Variants in B4GALNT4 observed in about 807,000 individuals in gnomAD.
B4GALNT4 encodes N-acetyl-beta-glucosaminyl-glycoprotein 4-beta-N-acetylgalactosaminyltransferase 1.
In B4GALNT4, 77 loss-of-function variants were observed where a neutral mutation model predicts 110.0. The ratio of observed to expected loss-of-function variants is 0.70; its 90% CI spans 0.58 to 0.85. B4GALNT4 has a LOEUF of 0.85. Ranked by LOEUF, B4GALNT4 falls within the 40% of genes least tolerant of loss-of-function variation. B4GALNT4 has a pLI of 0.00. For synonymous variants in B4GALNT4, 785 were observed against 655.5 expected, an observed-to-expected ratio of 1.20 and a Z score of -3.02; for missense variants, 1,575 against 1,506.0, an observed-to-expected ratio of 1.05 and a Z score of -0.76.
At chr11:373,944 G>A (rs1223987153) in intron 8 of B4GALNT4, 116 bp downstream of exon 8, 1 of 1,052,832 alleles carries the variant, frequency 9.5e-7, no homozygotes, top group Non-Finnish European at 1.4e-6. Flanking sequence ...TCAGGGCCAT[G>A]GGCCTGAGGT....
intron 9 of B4GALNT4, 29 bp from the exon 10 acceptor site, chr11:375,610 A>T: frequency 6.3e-7 from 1 of 1,596,096 alleles, no homozygotes; most frequent in Non-Finnish European, 8.5e-7. Context: ...AGGGGGTCTG[A>T]GCACTCCCTG....
At position 379,475 on chromosome 11, in the gene B4GALNT4, G is replaced by A. The variant is rs1194910498; in HGVS notation, c.2262G>A (p.Gly754=). ...NVEKRRDSAR[G]SRFLLELELQ... ...AGAAGCGCCGGGACTCGGCGCGAGG[G>A]AGTCGCTTCCTGCTGGAGCTGGAGC... The change falls in exon 15 of 20, where the codon GGG becomes GGA. Residue 754 remains glycine, a synonymous_variant. Coordinates refer to ENST00000329962, the MANE Select transcript of B4GALNT4 (RefSeq NM_178537.5). 1 of 1,567,170 alleles carries A rather than the reference G, an allele frequency of 6.4e-7. No homozygotes were observed. Among genetic ancestry groups the A allele is most frequent in the South Asian group, 1.1e-5 (1 of 87,086 alleles).
At chr11:381,231 C>T (rs1846869475) in intron 19 of B4GALNT4, 1 of 766,768 alleles carries the variant, frequency 1.3e-6, no homozygotes, top group Non-Finnish European at 1.6e-6. Context: ...CCCATCATCC[C>T]ACTGGGGCCA....
rs73400534 is a variant in B4GALNT4 at position 373,661 on chromosome 11, G to A, written c.705-89G>A. On this transcript the variant is annotated intron_variant, in intron 7 of 19. Transcript: ENST00000329962. The stretch of plus-strand genomic sequence containing the variant: ...TGCCATCCTCCTGAGGGCCAGCCCT[G>A]AGGGGTGTGGGAGCCACCTGCCCCC... The A allele has an allele frequency of 3.5e-3, 5,340 of 1,526,540 alleles. 167 individuals are homozygous for A. The African/African-American group carries it at 0.065, about 18-fold the overall frequency. 94.6% of individuals were successfully genotyped at this position (1,526,540 alleles called of 1,614,324 possible). A position where few individuals can be genotyped will look rare whatever the true frequency, so the allele number is the denominator to read the frequency against.
In B4GALNT4 at chr11:376,168, T is replaced by C. The variant is rs1243057328; in HGVS notation, c.1190T>C (p.Leu397Pro). 2.3e-6 allele frequency: 3 copies of C among 1,317,624 alleles called. No individual in the cohort carries two copies. Among genetic ancestry groups the C allele is most frequent in the Non-Finnish European group, 3.0e-6 (3 of 995,384 alleles). 81.6% of individuals were successfully genotyped at this position (1,317,624 alleles called of 1,614,324 possible). A position where few individuals can be genotyped will look rare whatever the true frequency, so the allele number is the denominator to read the frequency against. Residue 397 changes from leucine to proline, a missense_variant, in exon 12 of 20, where the codon CTG becomes CCG. Coordinates refer to ENST00000329962, the MANE Select transcript of B4GALNT4 (RefSeq NM_178537.5). ...KCFYRESPLY[L>P]ERFGFYKYMK... ...TTCTACCGCGAGTCTCCGCTGTATC[T>C]GGAGAGGTGGGCGCGCGGCCGGGCT...
At position 379,538 on chromosome 11, in the gene B4GALNT4, G is replaced by T; in HGVS notation, c.2325G>T (p.Glu775Asp). The change falls in exon 15 of 20, where the codon GAG becomes GAT. Residue 775 changes from glutamate to aspartate, a missense_variant. Glu to Asp is a conservative substitution (Grantham distance 45). Coordinates refer to ENST00000329962, the MANE Select transcript of B4GALNT4 (RefSeq NM_178537.5). Reference sequence around the variant, plus strand: ...GGGGCGGCCGCCTGCGACTGTCCGAGTACGTCTTCCTGCGGCTGCCGGGAG... The same window carrying T: ...GGGGCGGCCGCCTGCGACTGTCCGATTACGTCTTCCTGCGGCTGCCGGGAG... ...ERGGGRLRLS[E>D]YVFLRLPGAR... 6.3e-7 allele frequency: 1 copy of T among 1,588,440 alleles called. No homozygotes were observed. Among genetic ancestry groups the T allele is most frequent in the Non-Finnish European group, 8.5e-7 (1 of 1,170,532 alleles).
intron 15 of B4GALNT4, 42 bp from the exon 16 acceptor site, chr11:379,824 G>C: frequency 6.4e-7 from 1 of 1,555,408 alleles, no homozygotes; most frequent in Non-Finnish European, 8.7e-7. Flanking sequence ...CCACCGTAGA[G>C]TCAGCGTCGG....
At position 377,288 on chromosome 11, in the gene B4GALNT4, C is replaced by A. The variant is rs865939359; in HGVS notation, c.2165C>A (p.Thr722Asn). The A allele has an allele frequency of 6.3e-7, 1 of 1,588,204 alleles. No homozygotes were observed. ...QLPEAEAVDVTAQYMERLNAR... is the reference protein window; with the variant it reads ...QLPEAEAVDVNAQYMERLNAR... ...CCGGAGGCGGAGGCCGTGGACGTGA[C>A]CGCTCAGTACATGGAGCGGCTGAAC... Residue 722 changes from threonine to asparagine, a missense_variant, in exon 14 of 20, where the codon ACC becomes AAC. Transcript: ENST00000329962.
intron 7 of B4GALNT4, 57 bp downstream of exon 7, chr11:373,573 G>T: frequency 6.3e-7 from 1 of 1,577,518 alleles, no homozygotes; most frequent in Non-Finnish European, 8.7e-7. Flanking sequence ...AGGGGGTTAC[G>T]CGCTGTCTCC....
At chr11:374,411 G>A (rs563651751) in intron 8 of B4GALNT4, among the ~76,000 whole-genome samples, 1 of 151,408 alleles carries the variant, frequency 6.6e-6, no homozygotes, top group South Asian at 2.1e-4. Flanking sequence ...GGTGGGTGTG[G>A]GGGGCAGCAC....
At position 369,733 on chromosome 11, in the gene B4GALNT4, G is replaced by A. The variant is rs1276869013; in HGVS notation, c.-71G>A. 8 of 794,860 alleles carry A rather than the reference G, an allele frequency of 1.0e-5. No homozygotes were observed. The African/African-American group carries it at 1.3e-4, about 13-fold the overall frequency. 49.2% of individuals were successfully genotyped at this position (794,860 alleles called of 1,614,324 possible). On this transcript the variant is annotated 5_prime_UTR_variant, in exon 1 of 20. Coordinates refer to ENST00000329962, the MANE Select transcript of B4GALNT4 (RefSeq NM_178537.5). ...CGGCGGGGCGGGCCGGGGATGCGGC[G>A]CGGGGCGGGCGGGGGCCGGGGGCTG...
chr11:381,173 T>C, intron 19 of B4GALNT4: 1 of 982,006 alleles, frequency 1.0e-6, no homozygotes, highest in Non-Finnish European at 1.2e-6. Flanking sequence ...GGGACATCCC[T>C]GAACCAGCTC....
At chr11:380,606 C>T (rs1316842136) in intron 18 of B4GALNT4, 161 bp downstream of exon 18, 2 of 1,277,834 alleles carry the variant, frequency 1.6e-6, no homozygotes, top group East Asian at 2.5e-5. Context: ...ACCAGCACAC[C>T]CAGGGCCATG....
intron 8 of B4GALNT4, among the ~76,000 whole-genome samples, chr11:374,289 G>T (rs1200022701): frequency 6.6e-6 from 1 of 152,058 alleles, no homozygotes; most frequent in Non-Finnish European, 1.5e-5. Flanking sequence ...GAGAGAGCCT[G>T]GGGGAAGGAT....
intron 18 of B4GALNT4, 134 bp from the exon 19 acceptor site, chr11:380,691 G>A (rs1043959696): frequency 5.5e-6 from 8 of 1,451,878 alleles, no homozygotes; most frequent in Non-Finnish European, 7.7e-6. Context: ...CAGTACCACC[G>A]GACGACTCCC....
Position 381,658 on chromosome 11 carries a change from C to T in B4GALNT4, c.2997-11C>T. ...CCGGGGTCCTGACCACCTCTCTGCC[C>T]CCGGCCCCAGGGTCCTGCAGGCAGG... is the stretch of plus-strand genomic sequence containing the variant. On this transcript the variant is annotated splice_polypyrimidine_tract_variant and intron_variant, in intron 19 of 19. Transcript: ENST00000329962. 1.3e-6 allele frequency: 2 copies of T among 1,580,638 alleles called. No homozygotes were observed. The highest frequency in any genetic ancestry group is 1.1e-5 in the South Asian group (1 of 88,300).
intron 1 of B4GALNT4, 61 bp downstream of exon 1, chr11:370,015 C>CG (rs1733819335): frequency 1.2e-5 from 1 of 81,966 alleles, no homozygotes; most frequent in Non-Finnish European, 2.4e-5. Flanking sequence ...GCGCGGGGGG[C>CG]GCGGGCGGCG....
Position 376,624 on chromosome 11 carries a change from GC to G in B4GALNT4, c.1504del (p.Arg502AlafsTer26). On this transcript the variant is annotated frameshift_variant, in exon 14 of 20. Transcript: ENST00000329962. LOFTEE classifies it high-confidence loss of function. ...GGCCCTGAGCTGGGCCGCCAGGGCC[GC>G]CCGCCCTTTGCCGCTCTTCTTGGGC... ...SRALSWAARAARPLPLFLGRA... is the reference protein window; with the variant it reads ...SRALSWAARAXRPLPLFLGRA... 7.1e-7 allele frequency: 1 copy of G among 1,408,522 alleles called. No homozygotes were observed. Among genetic ancestry groups the G allele is most frequent in the Non-Finnish European group, 9.2e-7 (1 of 1,082,526 alleles). 87.3% of individuals were successfully genotyped at this position (1,408,522 alleles called of 1,614,324 possible).
Position 379,630 on chromosome 11 carries a change from G to A in B4GALNT4, c.2417G>A (p.Gly806Asp). The change falls in exon 15 of 20, where the codon GGC (glycine) becomes GAC (aspartate). Residue 806 changes from glycine to aspartate, a missense_variant. Gly to Asp is a moderately conservative substitution (Grantham distance 94). Transcript: ENST00000329962. ...PAPAASVRPD[G>D]RPELCRPLRL... ...CCCGCCGCCTCCGTGCGCCCCGACG[G>A]CCGCCCCGAGCTCTGCCGGCCACTG... 6.6e-7 allele frequency: 1 copy of A among 1,514,396 alleles called. No homozygotes were observed. Among genetic ancestry groups the A allele is most frequent in the Non-Finnish European group, 8.8e-7 (1 of 1,135,382 alleles). The allele number at this position is 1,514,396 out of a possible 1,614,324, so 93.8% of individuals were successfully genotyped here. A position where few individuals can be genotyped will look rare whatever the true frequency, so the allele number is the denominator to read the frequency against.
Sources: gnomAD v4.1 joint callset for allele counts (sites outside exome capture counted in the v4.1 genomes callset) on GRCh38, gnomAD v4.1.1 for gene constraint, MANE v1.5 for transcripts, NCBI Gene and HGNC (gene_info 2026-07-23, HGNC 2026-07-21) for gene names.